The following ZC3H12B variants were observed in gnomAD, a reference collection of about 807,000 sequenced individuals.
The protein encoded by ZC3H12B is probable ribonuclease ZC3H12B.
In ZC3H12B, 7 loss-of-function variants were observed where a neutral mutation model predicts 43.9. The ratio of observed to expected loss-of-function variants is 0.16; its 90% CI spans 0.09 to 0.30. ZC3H12B has a LOEUF of 0.30. Ranked by LOEUF, ZC3H12B falls within the 10% of genes least tolerant of loss-of-function variation. The pLI is 1.00. For missense variants in ZC3H12B, 475 were observed against 670.2 expected (o/e 0.71, Z 3.22); for synonymous variants, 222 against 241.7 (o/e 0.92, Z 0.76).
chrX:65,399,751 T>C (rs1473682229), intron 3 of ZC3H12B, among the ~76,000 whole-genome samples: 2 of 112,200 alleles, frequency 1.8e-5, no homozygotes, highest in Non-Finnish European at 3.8e-5. Context: ...TGTAGCCCTA[T>C]GCACAATAGC....
At chrX:65,106,211 C>T in the ZC3H12B span, among the ~76,000 whole-genome samples, 1 of 111,446 alleles carries the variant, frequency 9.0e-6, no homozygotes, top group Non-Finnish European at 1.9e-5. Flanking sequence ...TGCACAAATG[C>T]TATGGTCTCA....
At chrX:65,106,882 A>G in the ZC3H12B span, among the ~76,000 whole-genome samples, 4 of 111,864 alleles carry the variant, frequency 3.6e-5, no homozygotes, top group Non-Finnish European at 7.5e-5. Flanking sequence ...AATTATTAGT[A>G]TTCCAATTTT....
chrX:65,141,048 T>C, the ZC3H12B span, among the ~76,000 whole-genome samples: 1 of 111,722 alleles, frequency 9.0e-6, no homozygotes, highest in South Asian at 3.6e-4. Context: ...TTTTCTAGTC[T>C]CTTTTTCATT....
intron 3 of ZC3H12B, among the ~76,000 whole-genome samples, chrX:65,479,609 C>T (rs2068039559): frequency 9.0e-6 from 1 of 111,534 alleles, no homozygotes; most frequent in South Asian, 3.8e-4. Context: ...CTCAGGTGAT[C>T]TGCCCGCCTC....
the ZC3H12B span, among the ~76,000 whole-genome samples, chrX:65,121,226 T>G: frequency 1.2e-4 from 13 of 111,622 alleles, no homozygotes; most frequent in African/African-American, 4.2e-4. Flanking sequence ...GAAGGAATGG[T>G]ACCAGCTCCT....
chrX:65,453,403 T>TAA (rs1167073491), intron 3 of ZC3H12B, among the ~76,000 whole-genome samples: 9 of 67,918 alleles, frequency 1.3e-4, no homozygotes, highest in East Asian at 9.2e-4. Context: ...TATATATATA[T>TAA]AAAATAGAAT....
the ZC3H12B span, among the ~76,000 whole-genome samples, chrX:65,260,239 A>G: frequency 1.8e-5 from 2 of 111,100 alleles, no homozygotes; most frequent in South Asian, 7.6e-4. Flanking sequence ...ATTTTTAAGC[A>G]GTAGCATTCA....
chrX:65,451,684 G>T (rs754142002), intron 3 of ZC3H12B, among the ~76,000 whole-genome samples: 1 of 111,658 alleles, frequency 9.0e-6, no homozygotes, highest in Non-Finnish European at 1.9e-5. Context: ...ACCTCTTCTA[G>T]TCTTTATGGG....
At chrX:65,416,231 A>G (rs961156316) in intron 3 of ZC3H12B, among the ~76,000 whole-genome samples, 6 of 111,560 alleles carry the variant, frequency 5.4e-5, no homozygotes, top group African/African-American at 2.0e-4. Flanking sequence ...TTTACACTCA[A>G]TAGCCTCAGA....
chrX:65,123,488 A>T, the ZC3H12B span, among the ~76,000 whole-genome samples: 1 of 110,846 alleles, frequency 9.0e-6, no homozygotes, highest in Non-Finnish European at 1.9e-5. Context: ...TCATTTGAAT[A>T]CCATGTTTTT....
intron 1 of ZC3H12B, among the ~76,000 whole-genome samples, chrX:65,367,875 G>A (rs1343352805): frequency 9.0e-6 from 1 of 110,596 alleles, no homozygotes; most frequent in Non-Finnish European, 1.9e-5. Flanking sequence ...AGAATTTATG[G>A]CCTGATTTGG....
At chrX:65,284,188 C>T in the ZC3H12B span, among the ~76,000 whole-genome samples, 1 of 90,330 alleles carries the variant, frequency 1.1e-5, no homozygotes, top group Non-Finnish European at 2.1e-5. Flanking sequence ...AAAGTAAATT[C>T]AAAAATAGGA....
chrX:65,269,867 G>A, the ZC3H12B span, among the ~76,000 whole-genome samples: 1 of 111,073 alleles, frequency 9.0e-6, no homozygotes, highest in Non-Finnish European at 1.9e-5. Context: ...AACTAATATT[G>A]TTGAAATAAA....
At chrX:65,181,094 C>T in the ZC3H12B span, among the ~76,000 whole-genome samples, 3 of 111,191 alleles carry the variant, frequency 2.7e-5, no homozygotes, top group East Asian at 5.7e-4. Flanking sequence ...TCAGAAATAA[C>T]ACCACACATC....
the ZC3H12B span, among the ~76,000 whole-genome samples, chrX:65,140,804 G>T: frequency 9.0e-6 from 1 of 111,369 alleles, no homozygotes; most frequent in African/African-American, 3.3e-5. Context: ...TTGTTAGGTT[G>T]TATGCATCTA....
At chrX:65,488,795 A>C (rs2068163242) in exon 1 of ZC3H12B, 1 of 1,170,496 alleles carries the variant, frequency 8.5e-7, no homozygotes, top group African/African-American at 1.8e-5. Flanking sequence ...ACGACCCACT[A>C]AACGGGATGA....
upstream of ZC3H12B, among the ~76,000 whole-genome samples, chrX:65,363,065 G>A (rs765917647): frequency 9.5e-4 from 106 of 111,366 alleles, no homozygotes; most frequent in Admixed American, 8.2e-3. Flanking sequence ...CAACTTACCT[G>A]GGCTGTACTG....
At chrX:65,330,665 T>G in the ZC3H12B span, 1 of 117,134 alleles carries the variant, frequency 8.5e-6, no homozygotes, top group Non-Finnish European at 1.8e-5. Context: ...GAGATAATCA[T>G]GTGGTTTTTG....
chrX:65,377,135 C>T (rs1216385427), intron 2 of ZC3H12B, among the ~76,000 whole-genome samples: 1 of 107,915 alleles, frequency 9.3e-6, no homozygotes, highest in Non-Finnish European at 1.9e-5. Flanking sequence ...GAAGAATGCA[C>T]CAAAGTCTTT....
Sources: gnomAD v4.1 joint callset for allele counts (sites outside exome capture counted in the v4.1 genomes callset) on GRCh38, gnomAD v4.1.1 for gene constraint, MANE v1.5 for transcripts, NCBI Gene and HGNC (gene_info 2026-07-23, HGNC 2026-07-21) for gene names.